Variants in CDH9 observed in about 807,000 individuals in gnomAD.
The protein encoded by CDH9 is cadherin-9.
Under a neutral mutation model 70.9 loss-of-function variants are expected in CDH9, and 28 were observed. The observed-to-expected ratio is 0.40, with a 90% CI of 0.29 to 0.54. The LOEUF is 0.54. Among genes scored for constraint, CDH9 ranks in the 20% least tolerant of loss-of-function variants. CDH9 has a pLI of 0.59. For missense variants in CDH9, 874 were observed against 984.4 expected (o/e 0.89, Z 1.50); for synonymous variants, 409 against 343.1 (o/e 1.19, Z -2.12).
chr5:26,890,410 G>C lies in CDH9; in HGVS notation c.1390+18C>G, dbSNP rs1740636607. 1.2e-6 allele frequency: 2 copies of C among 1,609,384 alleles called. No individual in the cohort carries two copies. Among genetic ancestry groups the C allele is most frequent in the South Asian group, 2.2e-5 (2 of 90,982 alleles). On this transcript the variant is annotated intron_variant, in intron 8 of 11. Coordinates refer to ENST00000231021, the MANE Select transcript of CDH9 (RefSeq NM_016279.4). ...TGATGAAAGACAGTGTCTTCGGGTA[G>C]ATGTAGCTCCAACTTACTTATTTCT...
At chr5:26,992,679 G>C (rs763930978) in intron 1 of CDH9, among the ~76,000 whole-genome samples, 2 of 152,170 alleles carry the variant, frequency 1.3e-5, no homozygotes, top group African/African-American at 4.8e-5. Context: ...TAAAGGCTGA[G>C]AGAGTTTTAA....
chr5:26,978,883 C>T (rs1185182881), intron 2 of CDH9, among the ~76,000 whole-genome samples: 2 of 151,640 alleles, frequency 1.3e-5, no homozygotes, highest in Non-Finnish European at 3.0e-5. Flanking sequence ...CAGATTAATC[C>T]ATGGTTCTAT....
intron 2 of CDH9, among the ~76,000 whole-genome samples, chr5:26,978,989 A>C (rs1381306046): frequency 6.6e-6 from 1 of 151,790 alleles, no homozygotes; most frequent in Non-Finnish European, 1.5e-5. Flanking sequence ...CCCACACTAC[A>C]AGTAATGCTG....
chr5:27,022,237 T>G (rs1484762173), intron 1 of CDH9, among the ~76,000 whole-genome samples: 1 of 152,060 alleles, frequency 6.6e-6, no homozygotes, highest in Non-Finnish European at 1.5e-5. Context: ...AATAACTGAT[T>G]GTACATGTTT....
At chr5:26,932,752 T>A (rs970587919) in intron 2 of CDH9, among the ~76,000 whole-genome samples, 2 of 151,926 alleles carry the variant, frequency 1.3e-5, no homozygotes, top group Non-Finnish European at 2.9e-5. Flanking sequence ...TTAAATAAAT[T>A]ATTGTCTTAT....
At chr5:26,986,933 G>A (rs1742497088) in intron 2 of CDH9, among the ~76,000 whole-genome samples, 1 of 151,948 alleles carries the variant, frequency 6.6e-6, no homozygotes, top group Non-Finnish European at 1.5e-5. Context: ...AATGTCAAAA[G>A]AAGAGAAAAT....
chr5:26,935,458 C>T (rs1741542560), intron 2 of CDH9, among the ~76,000 whole-genome samples: 1 of 152,068 alleles, frequency 6.6e-6, no homozygotes, highest in African/African-American at 2.4e-5. Context: ...TCTTTGTGCA[C>T]ATATAATATG....
At chr5:27,005,758 A>G (rs1254660252) in intron 1 of CDH9, among the ~76,000 whole-genome samples, 1 of 152,158 alleles carries the variant, frequency 6.6e-6, no homozygotes, top group Admixed American at 6.6e-5. Context: ...AAGACATAGA[A>G]CCAACTTAAA....
intron 2 of CDH9, among the ~76,000 whole-genome samples, chr5:26,962,689 T>A (rs1303728839): frequency 6.6e-6 from 1 of 152,180 alleles, no homozygotes; most frequent in Non-Finnish European, 1.5e-5. Context: ...CTCACTCTCA[T>A]GCCTCTCCAC....
intron 9 of CDH9, among the ~76,000 whole-genome samples, chr5:26,888,301 C>T (rs1740598864): frequency 6.6e-6 from 1 of 151,994 alleles, no homozygotes; most frequent in Non-Finnish European, 1.5e-5. Context: ...TTTAATTTTT[C>T]CTACTTTGAG....
chr5:26,887,977 C>T (rs1740593465), intron 9 of CDH9, among the ~76,000 whole-genome samples: 1 of 151,992 alleles, frequency 6.6e-6, no homozygotes, highest in African/African-American at 2.4e-5. Flanking sequence ...TTCCAGCCTC[C>T]AAAACTATGA....
intron 3 of CDH9, among the ~76,000 whole-genome samples, chr5:26,909,689 A>G (rs1012726701): frequency 1.3e-5 from 2 of 151,734 alleles, no homozygotes; most frequent in Non-Finnish European, 2.9e-5. Flanking sequence ...TCACATTTTT[A>G]TGAGTTTTGC....
chr5:26,929,059 T>C (rs1243806743), intron 2 of CDH9, among the ~76,000 whole-genome samples: 1 of 151,740 alleles, frequency 6.6e-6, no homozygotes, highest in Non-Finnish European at 1.5e-5. Context: ...AGAGACAACC[T>C]AAAGAATGAG....
chr5:26,970,836 A>C (rs1207896904), intron 2 of CDH9, among the ~76,000 whole-genome samples: 3 of 152,120 alleles, frequency 2.0e-5, no homozygotes, highest in Admixed American at 2.0e-4. Context: ...TTTTCTTATA[A>C]AACTTGCAGG....
intron 2 of CDH9, among the ~76,000 whole-genome samples, chr5:26,932,569 T>C (rs1741481242): frequency 6.6e-6 from 1 of 152,160 alleles, no homozygotes; most frequent in Middle Eastern, 3.2e-3. Context: ...TTATCTATGA[T>C]AATTTTCCTT....
chr5:26,975,546 A>G (rs1742291358), intron 2 of CDH9, among the ~76,000 whole-genome samples: 1 of 152,234 alleles, frequency 6.6e-6, no homozygotes, highest in Non-Finnish European at 1.5e-5. Flanking sequence ...CTACAATATT[A>G]TAAGCCTTAG....
intron 2 of CDH9, among the ~76,000 whole-genome samples, chr5:26,958,694 G>A (rs1043054142): frequency 3.9e-5 from 6 of 152,070 alleles, no homozygotes; most frequent in South Asian, 4.1e-4. Context: ...CTTAGTATAC[G>A]CAGAAATAAT....
At chr5:26,972,062 G>T (rs182236316) in intron 2 of CDH9, among the ~76,000 whole-genome samples, 1 of 152,304 alleles carries the variant, frequency 6.6e-6, no homozygotes, top group Admixed American at 6.5e-5. Flanking sequence ...TGGCAATCTA[G>T]ATGTATTCGA....
At chr5:26,887,406 C>T (rs1427293048) in intron 9 of CDH9, among the ~76,000 whole-genome samples, 1 of 150,710 alleles carries the variant, frequency 6.6e-6, no homozygotes, top group African/African-American at 2.4e-5. Flanking sequence ...TATACATATA[C>T]TTAAAATCTA....
Sources: gnomAD v4.1 joint callset for allele counts (sites outside exome capture counted in the v4.1 genomes callset) on GRCh38, gnomAD v4.1.1 for gene constraint, MANE v1.5 for transcripts, NCBI Gene and HGNC (gene_info 2026-07-23, HGNC 2026-07-21) for gene names.